Variants in DENND1C observed in about 807,000 individuals in gnomAD.
DENND1C encodes the protein DENN domain containing 1C.
In DENND1C, 64 loss-of-function variants were observed where a neutral mutation model predicts 87.9. The ratio of observed to expected loss-of-function variants is 0.73; its 90% CI spans 0.60 to 0.90. DENND1C has a LOEUF of 0.90. Among genes scored for constraint, DENND1C ranks in the 40% least tolerant of loss-of-function variants. The pLI is 0.00. For synonymous variants in DENND1C, 384 were observed against 424.4 expected, an observed-to-expected ratio of 0.90 and a Z score of 1.17; for missense variants, 980 against 1,037.0, an observed-to-expected ratio of 0.95 and a Z score of 0.76.
In DENND1C at chr19:6,480,598, CTAT is replaced by C. The variant is rs1474032152; in HGVS notation, c.18-550_18-548del. ...TCTATCTATCTATCTATCTATCTAT[CTAT>C]CTATCTATCTATCTATTTTTTTGAG... On this transcript the variant is annotated intron_variant, in intron 1 of 22. Transcript: ENST00000381480. The C allele has an allele frequency of 1.3e-5, 5 of 390,786 alleles. No homozygotes were observed. The East Asian group carries it at 1.0e-3, about 78-fold the overall frequency. The allele number at this position is 390,786 out of a possible 1,614,324, so 24.2% of individuals were successfully genotyped here. A position where few individuals can be genotyped will look rare whatever the true frequency, so the allele number is the denominator to read the frequency against.
At position 6,477,374 on chromosome 19, in the gene DENND1C, T is replaced by G; in HGVS notation, c.447+4A>C. ...CCAGCGCCCAGGGAATGGGAGCTAC[T>G]CACCAGCTCAAGCCCCACTGAGGCC... is the stretch of plus-strand genomic sequence containing the variant. On this transcript the variant is annotated splice_donor_region_variant and intron_variant, in intron 7 of 22. Transcript: ENST00000381480. The G allele has an allele frequency of 6.2e-7, 1 of 1,613,240 alleles. No homozygotes were observed. The highest frequency in any genetic ancestry group is 8.5e-7 in the Non-Finnish European group (1 of 1,179,648).
chr19:6,473,125 G>T (rs774232323), intron 14 of DENND1C, 132 bp from the exon 15 acceptor site: 62 of 590,308 alleles, frequency 1.1e-4, no homozygotes, highest in Non-Finnish European at 1.6e-4. Context: ...CTCATGGATG[G>T]CAGGGAGGAC....
At position 6,477,236 on chromosome 19, in the gene DENND1C, G is replaced by C. The variant is rs1260099240; in HGVS notation, c.495C>G (p.Thr165=). 2 of 1,585,482 alleles carry C rather than the reference G, an allele frequency of 1.3e-6. No homozygotes were observed. The highest frequency in any genetic ancestry group is 1.7e-6 in the Non-Finnish European group (2 of 1,165,216). The change falls in exon 8 of 23, where the codon ACC becomes ACG. Residue 165 remains threonine (T), a synonymous_variant. Coordinates refer to ENST00000381480, the MANE Select transcript of DENND1C (RefSeq NM_024898.4). ...CGCTCACCGGCTTGCTATTCCCCCG[G>C]GTAGGGGGGGGGATACCCTGCCCGC... ...VSSGQGIPPP[T]RGNSKPLSCF... is the part of the protein sequence containing the mutation.
intron 14 of DENND1C, among the ~76,000 whole-genome samples, chr19:6,474,622 G>C (rs907031130): frequency 6.6e-6 from 1 of 152,106 alleles, no homozygotes; most frequent in South Asian, 2.1e-4. Flanking sequence ...TGTCAGGTAC[G>C]ATTCAAAGTG....
At position 6,477,418 on chromosome 19, in the gene DENND1C, T is replaced by G. The variant is rs2092869064; in HGVS notation, c.407A>C (p.Gln136Pro). The G allele has an allele frequency of 6.2e-7, 1 of 1,613,030 alleles. No individual in the cohort carries two copies. Among genetic ancestry groups the G allele is most frequent in the South Asian group, 1.1e-5 (1 of 91,046 alleles). The change falls in exon 7 of 23, where the codon CAG (glutamine) becomes CCG (proline). Residue 136 changes from glutamine to proline, a missense_variant. Gln to Pro is a moderately conservative substitution (Grantham distance 76, BLOSUM62 -1). Coordinates refer to ENST00000381480, the MANE Select transcript of DENND1C (RefSeq NM_024898.4). Reference sequence around the variant, plus strand: ...TGAGGCCTGGGGCCCAGACAGGGACTGCTGAAACAGATTTTGAAGAAGTTC... The same window carrying G: ...TGAGGCCTGGGGCCCAGACAGGGACGGCTGAAACAGATTTTGAAGAAGTTC... Reference protein sequence around the residue: ...AEELLQNLFQQSLSGPQASVG... With the variant: ...AEELLQNLFQPSLSGPQASVG...
In DENND1C at chr19:6,479,560, G is replaced by A. The variant is rs5009951; in HGVS notation, c.176+109C>T. 3,999 of 1,389,194 alleles carry A rather than the reference G, an allele frequency of 2.9e-3. 97 individuals are homozygous for A. In the African/African-American group the frequency reaches 0.05, roughly 17 times the overall value. 86.1% of individuals were successfully genotyped at this position (1,389,194 alleles called of 1,614,324 possible). ...AGTGTCTGAGTCTCTGAGTCTCAGG[G>A]TCCTCGAGTGTATGGGTTTCCAGAT... On this transcript the variant is annotated intron_variant, in intron 4 of 22. Coordinates refer to ENST00000381480, the MANE Select transcript of DENND1C (RefSeq NM_024898.4).
intron 14 of DENND1C, 42 bp from the exon 15 acceptor site, chr19:6,473,035 T>A: frequency 7.3e-7 from 1 of 1,366,456 alleles, no homozygotes; most frequent in Non-Finnish European, 9.7e-7. Context: ...GGGGTGCTCC[T>A]GGCCCTCCCT....
chr19:6,467,549 G>T lies in DENND1C; in HGVS notation c.2361C>A (p.Ser787Arg). 6.2e-7 allele frequency: 1 copy of T among 1,609,172 alleles called. No homozygotes were observed. Among genetic ancestry groups the T allele is most frequent in the Non-Finnish European group, 8.5e-7 (1 of 1,178,212 alleles). Residue 787 changes from serine (S) to arginine (R), a missense_variant, in exon 23 of 23, where the codon AGC becomes AGA. Coordinates refer to ENST00000381480, the MANE Select transcript of DENND1C (RefSeq NM_024898.4). ...PTSNCQKSQP[S>R]SRPRVADLKK... ...TAAGATCAGCGACTCTGGGCCGGCTGCTGGGCTGGGACTTTTGACAGTTGC... is the reference window on the plus strand; with the variant it reads ...TAAGATCAGCGACTCTGGGCCGGCTTCTGGGCTGGGACTTTTGACAGTTGC...
intron 1 of DENND1C, 59 bp downstream of exon 1, chr19:6,481,620 C>G (rs962583352): frequency 1.7e-5 from 27 of 1,608,864 alleles, no homozygotes; most frequent in Non-Finnish European, 2.2e-5. Context: ...CCCTCTGCCC[C>G]GGCTCAGGCC....
At chr19:6,468,531 A>T (rs1245999492) in intron 21 of DENND1C, 47 bp downstream of exon 21, 1 of 1,554,502 alleles carries the variant, frequency 6.4e-7, no homozygotes, top group African/African-American at 1.4e-5. Context: ...CCTCCCCATC[A>T]GTCCTGGCCT....
chr19:6,475,547 C>T lies in DENND1C; in HGVS notation c.864G>A (p.Leu288=), dbSNP rs1226328692. Residue 288 remains leucine (L), a synonymous_variant, in exon 13 of 23, where the codon CTG becomes CTA. Coordinates refer to ENST00000381480, the MANE Select transcript of DENND1C (RefSeq NM_024898.4). ...REKALEDVVV[L]NVDANTLETT... The stretch of plus-strand genomic sequence containing the variant: ...TCTCCAAGGTATTGGCGTCCACGTT[C>T]AGCACCACGACGTCCTCCAGGGCTT... 1.2e-6 allele frequency: 2 copies of T among 1,613,858 alleles called. No individual in the cohort carries two copies. Among genetic ancestry groups the T allele is most frequent in the African/African-American group, 2.7e-5 (2 of 74,930 alleles).
At chr19:6,475,247 C>T (rs756130929) in intron 14 of DENND1C, 27 bp downstream of exon 14, 3 of 1,611,704 alleles carry the variant, frequency 1.9e-6, no homozygotes, top group Admixed American at 3.3e-5. Context: ...CCCACGAGAC[C>T]TCTCCCGCAG....
chr19:6,479,053 C>A lies in DENND1C; in HGVS notation c.180G>T (p.Glu60Asp), dbSNP rs776940882. ...AATGCTGCACGGCGGGGCTGGGGGG[C>A]TCCCTGGAGTGGGAAGGGCTGTTAG... ...KFCFPFDVEREPPSPAVQHFT... is the reference protein window; with the variant it reads ...KFCFPFDVERDPPSPAVQHFT... The change falls in exon 5 of 23, where the codon GAG (glutamate) becomes GAT (aspartate). Residue 60 changes from glutamate to aspartate, a missense_variant. Physicochemically the swap from Glu to Asp is conservative, Grantham distance 45. Transcript: ENST00000381480. The A allele has an allele frequency of 1.2e-6, 2 of 1,613,856 alleles. No homozygotes were observed. Among genetic ancestry groups the A allele is most frequent in the Admixed American group, 3.3e-5 (2 of 60,000 alleles).
chr19:6,470,043 G>A, intron 18 of DENND1C: 1 of 397,280 alleles, frequency 2.5e-6, no homozygotes, highest in Non-Finnish European at 4.6e-6. Context: ...AATCTTGGCT[G>A]TCAATTTTAA....
chr19:6,475,824 T>G lies in DENND1C; in HGVS notation c.779+13A>C. The G allele has an allele frequency of 6.6e-7, 1 of 1,521,896 alleles. No homozygotes were observed. The highest frequency in any genetic ancestry group is 8.8e-7 in the Non-Finnish European group (1 of 1,134,898). The allele number at this position is 1,521,896 out of a possible 1,614,324, so 94.3% of individuals were successfully genotyped here. A position where few individuals can be genotyped will look rare whatever the true frequency, so the allele number is the denominator to read the frequency against. Reference sequence around the variant, plus strand: ...GCCCACAGGCCCTGCCCCTCCCAGCTGCCCTCGCTCACCAGCAGTAGTCCA... The same window carrying G: ...GCCCACAGGCCCTGCCCCTCCCAGCGGCCCTCGCTCACCAGCAGTAGTCCA... On this transcript the variant is annotated intron_variant, in intron 11 of 22. Coordinates refer to ENST00000381480, the MANE Select transcript of DENND1C (RefSeq NM_024898.4).
At chr19:6,480,687 C>A (rs1019520923) in intron 1 of DENND1C, among the ~76,000 whole-genome samples, 1 of 151,898 alleles carries the variant, frequency 6.6e-6, no homozygotes, top group African/African-American at 2.4e-5. Context: ...CTCACTGCAA[C>A]CTCCACCCCA....
intron 16 of DENND1C, 49 bp from the exon 17 acceptor site, chr19:6,471,354 G>A (rs2092828300): frequency 6.3e-7 from 1 of 1,591,158 alleles, no homozygotes; most frequent in Admixed American, 1.8e-5. Flanking sequence ...GCTGAGGCTG[G>A]GGGTGCTGGT....
rs764062646 is a variant in DENND1C, at chr19:6,475,358, G to C, written c.969C>G (p.Ala323=). The part of the protein sequence containing the change: ...LRLRLRKVAL[A]PGEGVSRLFL... Reference sequence around the variant, plus strand: ...AGAGACGGGACACCCCTTCCCCGGGGGCCAGGGCGACCTTCCTGAGCCGGA... The same window carrying C: ...AGAGACGGGACACCCCTTCCCCGGGCGCCAGGGCGACCTTCCTGAGCCGGA... Residue 323 remains alanine, a synonymous_variant, in exon 14 of 23, where the codon GCC becomes GCG. Transcript: ENST00000381480. The C allele has an allele frequency of 6.2e-7, 1 of 1,612,484 alleles. No homozygotes were observed. Among genetic ancestry groups the C allele is most frequent in the Non-Finnish European group, 8.5e-7 (1 of 1,179,192 alleles).
At position 6,468,314 on chromosome 19, in the gene DENND1C, C is replaced by T. The variant is rs756662123; in HGVS notation, c.1711G>A (p.Ala571Thr). The change falls in exon 22 of 23, where the codon GCC becomes ACC. Residue 571 changes from alanine (A) to threonine (T), a missense_variant. Ala to Thr is a moderately conservative substitution (Grantham distance 58). Transcript: ENST00000381480. ...GGTCTCAGGCTGCCTGCGCTCTTGGCTCCCATGCTAAGACTGTCCAGAATC... is the reference window on the plus strand; with the variant it reads ...GGTCTCAGGCTGCCTGCGCTCTTGGTTCCCATGCTAAGACTGTCCAGAATC... ...SEILDSLSMGAKSAGSLRPSQ... is the reference protein window; with the variant it reads ...SEILDSLSMGTKSAGSLRPSQ... 4.3e-6 allele frequency: 7 copies of T among 1,613,706 alleles called. No homozygotes were observed. Among genetic ancestry groups the T allele is most frequent in the Admixed American group, 3.3e-5 (2 of 59,966 alleles).
Sources: allele counts gnomAD v4.1 joint callset (sites outside exome capture counted in the v4.1 genomes callset), GRCh38; gene constraint gnomAD v4.1.1; transcripts MANE v1.5; gene names NCBI Gene and HGNC (gene_info 2026-07-23, HGNC 2026-07-21).